Variants in ARFGEF3 observed in about 807,000 individuals in gnomAD.
ARFGEF3 encodes the protein brefeldin A-inhibited guanine nucleotide-exchange protein 3.
Under a neutral mutation model 221.7 loss-of-function variants are expected in ARFGEF3, and 96 were observed. That is an observed-to-expected ratio of 0.43 (90% CI 0.37 to 0.51). The LOEUF is 0.51. Among genes scored for constraint, ARFGEF3 ranks in the 20% least tolerant of loss-of-function variants. The pLI is 0.00. For synonymous variants in ARFGEF3, 1,145 were observed against 1,126.8 expected (o/e 1.02, Z -0.32); for missense variants, 2,410 against 2,789.9 (o/e 0.86, Z 3.07).
chr6:138,244,792 G>C (rs371994660), intron 7 of ARFGEF3, among the ~76,000 whole-genome samples: 2 of 152,164 alleles, frequency 1.3e-5, no homozygotes, highest in East Asian at 3.9e-4. Flanking sequence ...TTATCTCTCT[G>C]TGATACCATT....
chr6:138,292,275 C>G (rs531448187), intron 19 of ARFGEF3, among the ~76,000 whole-genome samples: 17 of 152,292 alleles, frequency 1.1e-4, no homozygotes, highest in African/African-American at 4.1e-4. Context: ...GGGGTCAAAG[C>G]GCTGCGCTTA....
At chr6:138,252,552 T>G (rs1195241716) in intron 8 of ARFGEF3, among the ~76,000 whole-genome samples, 1 of 152,204 alleles carries the variant, frequency 6.6e-6, no homozygotes, top group East Asian at 1.9e-4. Flanking sequence ...ACTGTTAACT[T>G]TTCTTTACTT....
intron 7 of ARFGEF3, 138 bp from the exon 8 acceptor site, chr6:138,245,375 C>T: frequency 1.5e-6 from 1 of 663,086 alleles, no homozygotes; most frequent in Non-Finnish European, 2.8e-6. Flanking sequence ...ACTTTGGTGG[C>T]CTAAGGGCTT....
At chr6:138,287,505 A>C (rs777934781) in intron 17 of ARFGEF3, among the ~76,000 whole-genome samples, 1 of 152,248 alleles carries the variant, frequency 6.6e-6, no homozygotes, top group Non-Finnish European at 1.5e-5. Flanking sequence ...ACACAAGTGC[A>C]CACTTGAAGA....
chr6:138,180,341 C>T (rs1777054687), intron 2 of ARFGEF3, among the ~76,000 whole-genome samples: 1 of 152,172 alleles, frequency 6.6e-6, no homozygotes, highest in Non-Finnish European at 1.5e-5. Flanking sequence ...GTAGAATTTG[C>T]AGTTCATGTT....
intron 2 of ARFGEF3, among the ~76,000 whole-genome samples, chr6:138,191,605 A>G (rs1290156428): frequency 6.6e-6 from 1 of 152,168 alleles, no homozygotes; most frequent in African/African-American, 2.4e-5. Context: ...TTCAGCTACT[A>G]GTTATAGATT....
rs534623459 is a variant in ARFGEF3 at position 138,195,169 on chromosome 6, A to AT, written c.138-11868dup. 1.8e-3 allele frequency among the ~76,000 whole-genome samples: 273 copies of AT among 151,262 alleles called. 1 individual carries two copies. The highest frequency in any genetic ancestry group is 4.1e-3 in the African/African-American group (167 of 41,212). ...AGGTGCACACCACCACATGCAGCCAATTTTTGTATTTTTTAGTAGAGATGG... is the reference window on the plus strand; with the variant it reads ...AGGTGCACACCACCACATGCAGCCAATTTTTTGTATTTTTTAGTAGAGATGG... On this transcript the variant is annotated intron_variant, in intron 2 of 33. Coordinates refer to ENST00000251691, the MANE Select transcript of ARFGEF3 (RefSeq NM_020340.5).
chr6:138,333,875 ATAGAT>A, intron 32 of ARFGEF3, 90 bp from the exon 33 acceptor site: 1 of 1,385,092 alleles, frequency 7.2e-7, no homozygotes, highest in South Asian at 1.4e-5. Context: ...GTAAATTTGC[ATAGAT>A]CGTTCTGAAA....
At chr6:138,213,183 G>T (rs1017888778) in intron 4 of ARFGEF3, among the ~76,000 whole-genome samples, 1 of 151,516 alleles carries the variant, frequency 6.6e-6, no homozygotes, top group African/African-American at 2.4e-5. Flanking sequence ...AGCTACTCAG[G>T]AGGCTGAGGC....
intron 20 of ARFGEF3, among the ~76,000 whole-genome samples, chr6:138,295,627 C>CA (rs34138067): frequency 0.26 from 32,735 of 125,818 alleles, 3,890 homozygotes; most frequent in East Asian, 0.47. Context: ...GAGACTCCCT[C>CA]AAAAAAAAAA....
chr6:138,276,939 T>C (rs1409658698), intron 12 of ARFGEF3, among the ~76,000 whole-genome samples: 1 of 152,232 alleles, frequency 6.6e-6, no homozygotes, highest in African/African-American at 2.4e-5. Context: ...GTGCTGGGAT[T>C]ACAGGTGTGA....
Position 138,317,267 on chromosome 6 carries a change from G to A in ARFGEF3, c.4362G>A (p.Trp1454Ter). The change falls in exon 27 of 34, where the codon TGG (tryptophan) becomes TGA (stop). Residue 1454 changes from tryptophan to a stop codon, truncating the protein, a stop_gained. Coordinates refer to ENST00000251691, the MANE Select transcript of ARFGEF3 (RefSeq NM_020340.5). LOFTEE classifies it high-confidence loss of function. ...FDDDTGLIEV[W>*]IILLEQLTAA... is the part of the protein sequence containing the mutation. The stretch of plus-strand genomic sequence containing the variant: ...GGTTTCCAGGTCTGATAGAAGTCTG[G>A]ATAATCCTGCTGGAGCAGCTGACAG... The A allele has an allele frequency of 6.2e-7, 1 of 1,613,884 alleles. No individual in the cohort carries two copies. The highest frequency in any genetic ancestry group is 8.5e-7 in the Non-Finnish European group (1 of 1,179,862).
chr6:138,215,422 T>C (rs1777822771), intron 4 of ARFGEF3, among the ~76,000 whole-genome samples: 1 of 152,216 alleles, frequency 6.6e-6, no homozygotes, highest in South Asian at 2.1e-4. Context: ...TTTTAGATAA[T>C]AGAAGTGAAT....
intron 4 of ARFGEF3, among the ~76,000 whole-genome samples, chr6:138,227,904 G>A (rs187501834): frequency 2.1e-4 from 32 of 152,306 alleles, no homozygotes; most frequent in African/African-American, 7.0e-4. Context: ...ATCAAGCCAC[G>A]TGGCAAAACA....
chr6:138,226,274 G>C (rs9494969), intron 4 of ARFGEF3, among the ~76,000 whole-genome samples: 12,969 of 152,186 alleles, frequency 0.085, 1,328 homozygotes, highest in African/African-American at 0.25. Context: ...TTTCTGGATT[G>C]TTGTCACTTG....
At chr6:138,295,351 A>G (rs112177301) in intron 20 of ARFGEF3, among the ~76,000 whole-genome samples, 12,849 of 152,060 alleles carry the variant, frequency 0.084, 860 homozygotes, top group South Asian at 0.25. Context: ...CAGGTGTGGC[A>G]GCTCATGCCT....
intron 4 of ARFGEF3, among the ~76,000 whole-genome samples, chr6:138,211,266 G>A (rs995092087): frequency 2.0e-5 from 3 of 152,172 alleles, no homozygotes; most frequent in Non-Finnish European, 2.9e-5. Context: ...GAATCTCAGC[G>A]GATGGGAGTA....
At chr6:138,241,503 T>G (rs1231824415) in intron 6 of ARFGEF3, among the ~76,000 whole-genome samples, 1 of 152,146 alleles carries the variant, frequency 6.6e-6, no homozygotes, top group Non-Finnish European at 1.5e-5. Flanking sequence ...CCTCCTGAAA[T>G]GTAAAACCTC....
intron 2 of ARFGEF3, among the ~76,000 whole-genome samples, chr6:138,200,280 CA>C (rs1198626480): frequency 2.6e-5 from 4 of 152,058 alleles, no homozygotes; most frequent in African/African-American, 9.7e-5. Context: ...ACACAATCCC[CA>C]TAAAAACACC....
Sources: gnomAD v4.1 joint callset for allele counts (sites outside exome capture counted in the v4.1 genomes callset) on GRCh38, gnomAD v4.1.1 for gene constraint, MANE v1.5 for transcripts, NCBI Gene and HGNC (gene_info 2026-07-23, HGNC 2026-07-21) for gene names.